The following AGBL1 variants were observed in gnomAD, a reference collection of about 807,000 sequenced individuals.
The protein encoded by AGBL1 is AGBL carboxypeptidase 1.
In AGBL1, 130 loss-of-function variants were observed where a neutral mutation model predicts 118.9. That is an observed-to-expected ratio of 1.09 (90% CI 0.95 to 1.26). The LOEUF is 1.26. Ranked by LOEUF, AGBL1 falls within the 50% of genes most tolerant of loss-of-function variation. The pLI is 0.00. For missense variants in AGBL1, 1,584 were observed against 1,298.1 expected, an observed-to-expected ratio of 1.22 and a Z score of -3.38; for synonymous variants, 555 against 478.9, an observed-to-expected ratio of 1.16 and a Z score of -2.08.
intron 5 of AGBL1, among the ~76,000 whole-genome samples, chr15:86,221,718 G>A (rs998058549): frequency 6.6e-6 from 1 of 151,990 alleles, no homozygotes; most frequent in African/African-American, 2.4e-5. Context: ...CAGATCTTAT[G>A]TGGACACTAC....
At chr15:86,534,993 A>C (rs1237629603) in intron 19 of AGBL1, among the ~76,000 whole-genome samples, 1 of 152,220 alleles carries the variant, frequency 6.6e-6, no homozygotes, top group Non-Finnish European at 1.5e-5. Flanking sequence ...CTATATATTC[A>C]GGATCTGCGT....
intron 8 of AGBL1, among the ~76,000 whole-genome samples, chr15:86,257,286 T>C (rs2142015003): frequency 6.6e-6 from 1 of 152,310 alleles, no homozygotes; most frequent in East Asian, 1.9e-4. Flanking sequence ...TGTACAGTCA[T>C]CTCAGCTAAT....
chr15:86,808,973 G>T lies in AGBL1; in HGVS notation c.3159-98114G>T, dbSNP rs1340576703. On this transcript the variant is annotated intron_variant, in intron 22 of 22. Transcript: ENST00000614907. ...GATAGATAATGTGTGAGATACTGATGAATGGAAAAAGGCATAACCCTATGG... is the reference window on the plus strand; with the variant it reads ...GATAGATAATGTGTGAGATACTGATTAATGGAAAAAGGCATAACCCTATGG... Among the ~76,000 whole-genome samples, 5 of 152,162 alleles carry T rather than the reference G, an allele frequency of 3.3e-5. No individual in the cohort carries two copies. The East Asian group carries it at 7.7e-4, about 24-fold the overall frequency.
intron 21 of AGBL1, among the ~76,000 whole-genome samples, chr15:86,634,192 C>G (rs1192243007): frequency 6.6e-6 from 1 of 152,090 alleles, no homozygotes; most frequent in Non-Finnish European, 1.5e-5. Context: ...TACTATATGA[C>G]CCAACTCTTC....
rs148200693 is a variant in AGBL1, at chr15:86,935,088, A to G, written c.3222-52899A>G. The stretch of plus-strand genomic sequence containing the variant: ...CCTATTTTGTAATCCTCCAGGCTGA[A>G]CCAGATTTCTTTTCATTATGGGAGT... On this transcript the variant is annotated intron_variant, in intron 23 of 24. Transcript: ENST00000441037. The G allele has an allele frequency of 1.1e-3, 161 of 152,300 alleles. 1 individual carries two copies. Among genetic ancestry groups the G allele is most frequent in the African/African-American group, 2.8e-3 (118 of 41,560 alleles). The allele number at this position is 152,300 out of a possible 1,614,324, so 9.4% of individuals were successfully genotyped here.
intron 21 of AGBL1, among the ~76,000 whole-genome samples, chr15:86,624,919 A>C (rs1264130391): frequency 6.6e-6 from 1 of 152,154 alleles, no homozygotes; most frequent in Non-Finnish European, 1.5e-5. Context: ...CACGGCTGCC[A>C]GGGCCTGACA....
At chr15:86,739,187 T>C (rs2077642060) in intron 22 of AGBL1, among the ~76,000 whole-genome samples, 1 of 151,936 alleles carries the variant, frequency 6.6e-6, no homozygotes, top group Non-Finnish European at 1.5e-5. Context: ...CTCATGCCTG[T>C]AATCCCAGCA....
At chr15:86,350,753 C>T (rs1034827038) in intron 17 of AGBL1, among the ~76,000 whole-genome samples, 3 of 152,148 alleles carry the variant, frequency 2.0e-5, no homozygotes, top group African/African-American at 4.8e-5. Flanking sequence ...CTGGAAAACA[C>T]GTCAGGATAT....
chr15:86,451,899 A>C (rs1294891018), intron 18 of AGBL1, among the ~76,000 whole-genome samples: 7 of 152,150 alleles, frequency 4.6e-5, no homozygotes, highest in Non-Finnish European at 8.8e-5. Context: ...CTCACTGGAT[A>C]AAGTTTGAAC....
intron 23 of AGBL1, among the ~76,000 whole-genome samples, chr15:86,930,871 A>G (rs888904524): frequency 6.6e-6 from 1 of 152,208 alleles, no homozygotes; most frequent in African/African-American, 2.4e-5. Flanking sequence ...GTGGCTTAAA[A>G]CAATAGTCAA....
At chr15:86,958,752 GCA>G (rs962057968) in intron 23 of AGBL1, among the ~76,000 whole-genome samples, 32 of 152,160 alleles carry the variant, frequency 2.1e-4, no homozygotes, top group African/African-American at 7.2e-4. Flanking sequence ...ATTCATTTTG[GCA>G]CAGATTGTAA....
intron 1 of AGBL1, among the ~76,000 whole-genome samples, chr15:86,135,216 T>A (rs1041460116): frequency 5.9e-5 from 9 of 152,162 alleles, no homozygotes; most frequent in African/African-American, 1.9e-4. Flanking sequence ...CTTCTCTCAC[T>A]TCCTCGCTTA....
intron 7 of AGBL1, among the ~76,000 whole-genome samples, chr15:86,253,829 T>C (rs184892791): frequency 1.2e-4 from 19 of 152,298 alleles, no homozygotes; most frequent in African/African-American, 4.3e-4. Context: ...TGTATAACTG[T>C]CACTACTACC....
chr15:86,111,398 C>A (rs950137200), intron 1 of AGBL1, among the ~76,000 whole-genome samples: 1 of 152,044 alleles, frequency 6.6e-6, no homozygotes, highest in Non-Finnish European at 1.5e-5. Flanking sequence ...AGGAGAGTGA[C>A]CAGAGAGGAA....
At chr15:86,725,507 T>C (rs2086806089) in intron 22 of AGBL1, among the ~76,000 whole-genome samples, 1 of 152,228 alleles carries the variant, frequency 6.6e-6, no homozygotes, top group African/African-American at 2.4e-5. Flanking sequence ...AGCTGAAAAG[T>C]TGTGGCTGCC....
chr15:86,975,465 G>T lies in AGBL1; in HGVS notation c.3222-12522G>T, dbSNP rs566511151. ...ACAGGGCCCCTCCCACGACACCTGG[G>T]AATTATGGGAGCTGCAATTCAAGAT... On this transcript the variant is annotated intron_variant, in intron 23 of 24. Coordinates refer to the AGBL1 transcript ENST00000441037. Among the ~76,000 whole-genome samples, 3 of 152,160 alleles carry T rather than the reference G, an allele frequency of 2.0e-5. No homozygotes were observed. The East Asian group carries it at 5.8e-4, about 29-fold the overall frequency.
chr15:86,174,729 C>A (rs2077459586), intron 5 of AGBL1, among the ~76,000 whole-genome samples: 1 of 152,016 alleles, frequency 6.6e-6, no homozygotes, highest in Admixed American at 6.5e-5. Flanking sequence ...TTATGAAATG[C>A]CTTTTCTACA....
chr15:86,495,292 A>C (rs2082834642), intron 18 of AGBL1, among the ~76,000 whole-genome samples: 1 of 151,758 alleles, frequency 6.6e-6, no homozygotes, highest in Non-Finnish European at 1.5e-5. Flanking sequence ...ATTCCAAGAA[A>C]ATTTCTAAAA....
At chr15:86,822,432 T>C (rs575689642) in intron 22 of AGBL1, among the ~76,000 whole-genome samples, 40 of 152,208 alleles carry the variant, frequency 2.6e-4, no homozygotes, top group African/African-American at 9.2e-4. Context: ...CTAGGCTGTT[T>C]TATAATGTCT....
Sources: allele counts gnomAD v4.1 joint callset (sites outside exome capture counted in the v4.1 genomes callset), GRCh38; gene constraint gnomAD v4.1.1; transcripts MANE v1.5; gene names NCBI Gene and HGNC (gene_info 2026-07-23, HGNC 2026-07-21).